The following ARFGAP1 variants were observed in gnomAD, a reference collection of about 807,000 sequenced individuals.
ARFGAP1 encodes the protein ARF GTPase activating protein 1.
ARFGAP1 carries 26 observed loss-of-function variants against 54.0 expected under a neutral mutation model. The ratio of observed to expected loss-of-function variants is 0.48; its 90% confidence interval spans 0.35 to 0.67. The LOEUF is 0.67. Ranked by LOEUF, ARFGAP1 falls within the 30% of genes least tolerant of loss-of-function variation. ARFGAP1 has a pLI of 0.00. For missense variants in ARFGAP1, 525 were observed against 535.8 expected, an observed-to-expected ratio of 0.98 and a Z score of 0.20; for synonymous variants, 248 against 211.9, an observed-to-expected ratio of 1.17 and a Z score of -1.48.
intron 12 of ARFGAP1, 108 bp downstream of exon 12, chr20:63,286,550 C>A: frequency 8.9e-7 from 1 of 1,127,534 alleles, no homozygotes; most frequent in Non-Finnish European, 1.3e-6. Context: ...AGGGAAGGGG[C>A]ACTGTGGAGG....
Position 63,282,824 on chromosome 20 carries a change from A to G in ARFGAP1, c.690A>G (p.Thr230=), listed in dbSNP as rs1601355715. Reference sequence around the variant, plus strand: ...GTCTTTGTTTTTCATTTTAGGCTACAAAGTTTGGATCCCAAGCGAGTCAGA... The same window carrying G: ...GTCTTTGTTTTTCATTTTAGGCTACGAAGTTTGGATCCCAAGCGAGTCAGA... ...RFASAAKEGA[T]KFGSQASQKA... Residue 230 remains threonine (T), a synonymous_variant, in exon 9 of 13, where the codon ACA becomes ACG. Transcript: ENST00000370283. 4 of 1,614,082 alleles carry G rather than the reference A, an allele frequency of 2.5e-6. No homozygotes were observed. The highest frequency in any genetic ancestry group is 1.3e-5 in the African/African-American group (1 of 75,044).
Position 63,287,735 on chromosome 20 carries a change from G to T in ARFGAP1, c.1083G>T (p.Ser361=). 1 of 1,611,036 alleles carries T rather than the reference G, an allele frequency of 6.2e-7. No homozygotes were observed. The highest frequency in any genetic ancestry group is 8.5e-7 in the Non-Finnish European group (1 of 1,179,368). Residue 361 remains serine, a synonymous_variant, in exon 13 of 13, where the codon TCG becomes TCT. Coordinates refer to ENST00000370283, the MANE Select transcript of ARFGAP1 (RefSeq NM_018209.4). Reference sequence around the variant, plus strand: ...ACACCTCCACCGAGAGGAGGAGCTCGGACAGCTGGGAGGTGTGGGGCTCGG... The same window carrying T: ...ACACCTCCACCGAGAGGAGGAGCTCTGACAGCTGGGAGGTGTGGGGCTCGG... The part of the protein sequence containing the change: ...CADTSTERRS[S]DSWEVWGSAS...
At chr20:63,283,561 C>A (rs1407798795) in intron 9 of ARFGAP1, 2 of 463,792 alleles carry the variant, frequency 4.3e-6, no homozygotes, top group Middle Eastern at 5.4e-4. Flanking sequence ...CATATCACCC[C>A]TTCCTCTCTG....
Position 63,285,634 on chromosome 20 carries a change from C to A in ARFGAP1, c.775-20C>A. On this transcript the variant is annotated intron_variant, in intron 10 of 12. Transcript: ENST00000370283. ...TCATCTCTCCCGCCCCCATTAATGC[C>A]GCTGTCTTCATCCGTGCAGGTGAAG... 2 of 1,612,802 alleles carry A rather than the reference C, an allele frequency of 1.2e-6. No homozygotes were observed. The highest frequency in any genetic ancestry group is 1.7e-6 in the Non-Finnish European group (2 of 1,179,342).
chr20:63,275,776 C>A, intron 2 of ARFGAP1, 136 bp downstream of exon 2: 2 of 873,090 alleles, frequency 2.3e-6, no homozygotes, highest in Non-Finnish European at 3.6e-6. Context: ...ACGTGCATGG[C>A]TTGTGCTGGC....
chr20:63,285,763 T>C, intron 11 of ARFGAP1, 50 bp downstream of exon 11: 1 of 1,597,932 alleles, frequency 6.3e-7, no homozygotes, highest in Non-Finnish European at 8.6e-7. Flanking sequence ...GTCTCCATAT[T>C]CCACGGCCCT....
rs1261324011 is a variant in ARFGAP1, at chr20:63,288,927, C to T, written c.*1054C>T. 4.2e-6 allele frequency: 1 copy of T among 238,970 alleles called. No homozygotes were observed. The highest frequency in any genetic ancestry group is 4.9e-5 in the Admixed American group (1 of 20,302). 14.8% of individuals were successfully genotyped at this position (238,970 alleles called of 1,614,324 possible). A position where few individuals can be genotyped will look rare whatever the true frequency, so the allele number is the denominator to read the frequency against. On this transcript the variant is annotated 3_prime_UTR_variant, in exon 13 of 13. Transcript: ENST00000370283. ...GTGCTCTCCTCCCTGCCACCATGCT[C>T]ATCACTCTGGCCTTGGCCATGCTCC...
chr20:63,274,007 T>G (rs1028189676), intron 1 of ARFGAP1: 1 of 152,124 alleles, frequency 6.6e-6, no homozygotes, highest in Non-Finnish European at 1.5e-5. Context: ...CAGTCGGCTG[T>G]ATAGGTGGAT....
chr20:63,281,173 T>C (rs2067370751), intron 7 of ARFGAP1, 118 bp from the exon 8 acceptor site: 3 of 1,105,798 alleles, frequency 2.7e-6, no homozygotes, highest in South Asian at 1.5e-5. Context: ...GGGGTCAGGA[T>C]GGGACGGGGG....
chr20:63,281,937 G>A (rs1320081393), intron 8 of ARFGAP1, among the ~76,000 whole-genome samples: 4 of 152,142 alleles, frequency 2.6e-5, no homozygotes, highest in Non-Finnish European at 4.4e-5. Flanking sequence ...GCAGCTGCCC[G>A]CAGAAGCAGC....
At chr20:63,286,561 C>T in intron 12 of ARFGAP1, 119 bp downstream of exon 12, 5 of 1,008,880 alleles carry the variant, frequency 5.0e-6, no homozygotes, top group Non-Finnish European at 7.4e-6. Flanking sequence ...ACTGTGGAGG[C>T]TCTCCGGGAG....
rs1180152212 is a variant in ARFGAP1 at position 63,287,642 on chromosome 20, G to C, written c.990G>C (p.Glu330Asp). The C allele has an allele frequency of 6.2e-7, 1 of 1,612,556 alleles. No individual in the cohort carries two copies. The highest frequency in any genetic ancestry group is 8.5e-7 in the Non-Finnish European group (1 of 1,179,964). ...GCAACATAGACCAGAGCTTCTGGGA[G>C]ACCTTTGGAAGTGCTGAGCCCACCA... ...QNSNIDQSFWETFGSAEPTKT... is the reference protein window; with the variant it reads ...QNSNIDQSFWDTFGSAEPTKT... Residue 330 changes from glutamate to aspartate, a missense_variant, in exon 13 of 13, where the codon GAG (glutamate) becomes GAC (aspartate). By Grantham distance (45) the Glu-to-Asp change is conservative. This residue lies in a region of ARFGAP1 where 466 missense variants were observed against 453.6 expected (regional missense o/e 1.03). Transcript: ENST00000370283.
rs564846527 is a variant in ARFGAP1, at chr20:63,285,785, C to A, written c.834+72C>A. The A allele has an allele frequency of 1.5e-4, 234 of 1,575,478 alleles. 1 individual carries two copies. The African/African-American group carries it at 2.7e-3, about 18-fold the overall frequency. ...TATTCCACGGCCCTGGGCGTGAGAG[C>A]AGGGTGTGCCCCGTGCAGCCCTCAG... is the stretch of plus-strand genomic sequence containing the variant. On this transcript the variant is annotated intron_variant, in intron 11 of 12. Coordinates refer to ENST00000370283, the MANE Select transcript of ARFGAP1 (RefSeq NM_018209.4).
chr20:63,287,817 A>G lies in ARFGAP1; in HGVS notation c.1165A>G (p.Lys389Glu). 6.3e-7 allele frequency: 1 copy of G among 1,590,080 alleles called. No individual in the cohort carries two copies. Among genetic ancestry groups the G allele is most frequent in the Non-Finnish European group, 8.6e-7 (1 of 1,168,906 alleles). ...DGGEGGEGTK[K>E]AVPPAVPTDD... is the part of the protein sequence containing the mutation. ...CGGGGAGGGCGGGGAGGGCACCAAGAAGGCAGTGCCGCCGGCCGTGCCCAC... is the reference window on the plus strand; with the variant it reads ...CGGGGAGGGCGGGGAGGGCACCAAGGAGGCAGTGCCGCCGGCCGTGCCCAC... The change falls in exon 13 of 13, where the codon AAG becomes GAG. Residue 389 changes from lysine to glutamate, a missense_variant. By Grantham distance (56) the Lys-to-Glu change is moderately conservative. Transcript: ENST00000370283.
chr20:63,284,456 C>T (rs2067470179), intron 9 of ARFGAP1: 2 of 1,100,012 alleles, frequency 1.8e-6, no homozygotes, highest in Non-Finnish European at 2.2e-6. Context: ...CCTCCGTGCC[C>T]TCTTCCCTCC....
At chr20:63,287,152 G>A (rs1260250917) in intron 12 of ARFGAP1, among the ~76,000 whole-genome samples, 1 of 152,276 alleles carries the variant, frequency 6.6e-6, no homozygotes, top group Non-Finnish European at 1.5e-5. Flanking sequence ...TCAGTGGTGT[G>A]ATTGCAGCTG....
At chr20:63,283,504 C>T (rs1356296735) in intron 9 of ARFGAP1, 5 of 332,464 alleles carry the variant, frequency 1.5e-5, no homozygotes, top group Non-Finnish European at 2.8e-5. Context: ...GCCCCCTGGG[C>T]GAGGGTGTCC....
chr20:63,285,527 C>A, intron 10 of ARFGAP1, 127 bp from the exon 11 acceptor site: 1 of 988,220 alleles, frequency 1.0e-6, no homozygotes, highest in Non-Finnish European at 1.6e-6. Context: ...TTCTGGGGCT[C>A]AGCCTGATGG....
intron 9 of ARFGAP1, 164 bp from the exon 10 acceptor site, chr20:63,284,702 G>A (rs2067479079): frequency 1.4e-6 from 2 of 1,460,166 alleles, no homozygotes; most frequent in East Asian, 2.5e-5. Context: ...TGCCCTTCGG[G>A]TGTTGTGTGC....
Sources: allele counts gnomAD v4.1 joint callset (sites outside exome capture counted in the v4.1 genomes callset), GRCh38; gene constraint gnomAD v4.1.1; regional missense constraint gnomAD v4.1.1; transcripts MANE v1.5; gene names NCBI Gene and HGNC (gene_info 2026-07-23, HGNC 2026-07-21).